MAGI2: variants seen among roughly 807,000 people sequenced by gnomAD.
MAGI2 encodes the protein membrane associated guanylate kinase, WW and PDZ domain containing 2, also known as membrane-associated guanylate kinase, WW and PDZ domain-containing protein 2.
A neutral mutation model predicts 133.3 loss-of-function variants in MAGI2; 35 were observed. The ratio of observed to expected loss-of-function variants is 0.26; its 90% CI spans 0.20 to 0.35. The LOEUF (loss-of-function observed/expected upper bound fraction) is 0.35. Among genes scored for constraint, MAGI2 ranks in the 10% least tolerant of loss-of-function variants. The pLI, the probability that MAGI2 is intolerant of heterozygous loss-of-function variation, is 1.00. For missense variants in MAGI2, 1,636 were observed against 1,863.4 expected, an observed-to-expected ratio of 0.88 and a Z score of 2.25; for synonymous variants, 729 against 710.6, an observed-to-expected ratio of 1.03 and a Z score of -0.41.
chr7:78,670,885 A>C (rs1409377015), intron 2 of MAGI2, among the ~76,000 whole-genome samples: 1 of 152,186 alleles, frequency 6.6e-6, no homozygotes, highest in East Asian at 1.9e-4. Flanking sequence ...AAAATTTTAT[A>C]AAAATGCTTA....
Position 78,068,854 on chromosome 7 carries a change from G to A in MAGI2, c.3706+10093C>T, listed in dbSNP as rs756242483. Among the ~76,000 whole-genome samples, 3 of 152,268 alleles carry A rather than the reference G, an allele frequency of 2.0e-5. No individual in the cohort carries two copies. The South Asian group carries it at 6.2e-4, about 32-fold the overall frequency. On this transcript the variant is annotated intron_variant, in intron 21 of 21. Coordinates refer to ENST00000354212, the MANE Select transcript of MAGI2 (RefSeq NM_012301.4). ...ACTGTACTTTGAGCAGCCGGGCTTTGTTGTTAAACTCCTTAAGATCAACAT... is the reference window on the plus strand; with the variant it reads ...ACTGTACTTTGAGCAGCCGGGCTTTATTGTTAAACTCCTTAAGATCAACAT...
At chr7:78,483,885 G>T (rs1250089149) in intron 6 of MAGI2, among the ~76,000 whole-genome samples, 1 of 151,900 alleles carries the variant, frequency 6.6e-6, no homozygotes, top group Non-Finnish European at 1.5e-5. Flanking sequence ...TACTTGAATA[G>T]TTAATACTGT....
chr7:78,708,211 G>T (rs763043639), intron 2 of MAGI2, among the ~76,000 whole-genome samples: 6 of 152,020 alleles, frequency 3.9e-5, no homozygotes, highest in African/African-American at 1.4e-4. Context: ...TTCTTCATTC[G>T]AATGCATTCA....
intron 2 of MAGI2, among the ~76,000 whole-genome samples, chr7:78,632,697 G>A (rs779924838): frequency 9.2e-5 from 14 of 152,180 alleles, no homozygotes; most frequent in Non-Finnish European, 1.6e-4. Flanking sequence ...AATGACTGGT[G>A]TATGTGCATA....
chr7:78,668,403 TC>T (rs1813903244), intron 2 of MAGI2, among the ~76,000 whole-genome samples: 1 of 151,044 alleles, frequency 6.6e-6, no homozygotes, highest in Non-Finnish European at 1.5e-5. Context: ...TTTAATTAGA[TC>T]CCATTTGTCA....
intron 2 of MAGI2, among the ~76,000 whole-genome samples, chr7:78,680,054 C>G (rs374371429): frequency 6.6e-6 from 1 of 151,978 alleles, no homozygotes; most frequent in African/African-American, 2.4e-5. Flanking sequence ...ACATTTTATC[C>G]AAATAGAGAC....
chr7:78,534,652 T>C (rs1469813900), intron 3 of MAGI2, among the ~76,000 whole-genome samples: 1 of 152,198 alleles, frequency 6.6e-6, no homozygotes, highest in African/African-American at 2.4e-5. Context: ...AAATGAAGTT[T>C]TGTTTTTTAC....
rs11977569 is a variant in MAGI2, at chr7:79,300,346, T to C, written c.301+152674A>G. 6.9e-3 allele frequency among the ~76,000 whole-genome samples: 1,050 copies of C among 152,284 alleles called. 7 individuals are homozygous for C. The highest frequency in any genetic ancestry group is 0.024 in the African/African-American group (982 of 41,568). Reference sequence around the variant, plus strand: ...TCTCAGATTGAAATGAGAAATCTTATTGGAAACTGGAGCACAGGTCACACA... The same window carrying C: ...TCTCAGATTGAAATGAGAAATCTTACTGGAAACTGGAGCACAGGTCACACA... On this transcript the variant is annotated intron_variant, in intron 1 of 21. Coordinates refer to ENST00000354212, the MANE Select transcript of MAGI2 (RefSeq NM_012301.4).
At chr7:78,938,904 A>T (rs569954857) in intron 2 of MAGI2, among the ~76,000 whole-genome samples, 1 of 152,274 alleles carries the variant, frequency 6.6e-6, no homozygotes, top group Admixed American at 6.5e-5. Context: ...AGTCTTTAAA[A>T]TTTTTTGGAG....
At chr7:78,489,340 T>C (rs143762373) in intron 6 of MAGI2, among the ~76,000 whole-genome samples, 2 of 152,204 alleles carry the variant, frequency 1.3e-5, no homozygotes, top group Non-Finnish European at 2.9e-5. Context: ...TTTATATTTC[T>C]GAGTCCTTAA....
chr7:79,359,860 G>GA lies in MAGI2; in HGVS notation c.301+93159dup, dbSNP rs201149595. ...CAACCCTTAACCCTTTTCCCATTTA[G>GA]AAAAAAAAGAAAAGTGCAGCTCACT... On this transcript the variant is annotated intron_variant, in intron 1 of 21. Transcript: ENST00000354212. Among the ~76,000 whole-genome samples, 825 of 151,786 alleles carry GA rather than the reference G, an allele frequency of 5.4e-3. 3 individuals carry two copies. Among genetic ancestry groups the GA allele is most frequent in the Middle Eastern group, 0.017 (5 of 292 alleles).
intron 9 of MAGI2, among the ~76,000 whole-genome samples, chr7:78,334,513 G>C (rs969770899): frequency 6.6e-6 from 1 of 152,158 alleles, no homozygotes; most frequent in Non-Finnish European, 1.5e-5. Context: ...TAAAGATTAG[G>C]GTTTTTTCTG....
chr7:79,367,678 G>T (rs1348326601), intron 1 of MAGI2, among the ~76,000 whole-genome samples: 2 of 151,554 alleles, frequency 1.3e-5, no homozygotes, highest in Non-Finnish European at 2.9e-5. Flanking sequence ...ATAAATATAT[G>T]CTCAATACAA....
intron 1 of MAGI2, among the ~76,000 whole-genome samples, chr7:79,064,771 C>G (rs1284247152): frequency 6.6e-6 from 1 of 152,070 alleles, no homozygotes; most frequent in Non-Finnish European, 1.5e-5. Flanking sequence ...AACTGCACTT[C>G]TGACTTTGTT....
At chr7:78,763,191 A>G (rs570748761) in intron 2 of MAGI2, among the ~76,000 whole-genome samples, 2 of 152,234 alleles carry the variant, frequency 1.3e-5, no homozygotes, top group Non-Finnish European at 2.9e-5. Flanking sequence ...AAATGGAATT[A>G]GCAAATACTT....
At chr7:78,241,062 T>A (rs1327907722) in intron 10 of MAGI2, among the ~76,000 whole-genome samples, 3 of 152,044 alleles carry the variant, frequency 2.0e-5, no homozygotes, top group African/African-American at 7.2e-5. Flanking sequence ...GCAAACTTCT[T>A]GAGGCAGGGA....
chr7:79,004,316 A>G (rs906544336), intron 2 of MAGI2, among the ~76,000 whole-genome samples: 1 of 152,210 alleles, frequency 6.6e-6, no homozygotes, highest in African/African-American at 2.4e-5. Context: ...CAACATGGAC[A>G]GAAGTGGAGA....
chr7:78,481,732 C>T (rs1468721294), intron 6 of MAGI2, among the ~76,000 whole-genome samples: 2 of 148,114 alleles, frequency 1.4e-5, no homozygotes, highest in Non-Finnish European at 3.0e-5. Context: ...AGAACCTTAA[C>T]CTAACTCTTA....
In MAGI2 at chr7:78,271,764, T is replaced by C. The variant is rs893776135; in HGVS notation, c.1409-15183A>G. 6.6e-5 allele frequency among the ~76,000 whole-genome samples: 10 copies of C among 152,326 alleles called. No individual in the cohort carries two copies. The East Asian group carries it at 7.7e-4, about 12-fold the overall frequency. On this transcript the variant is annotated intron_variant, in intron 9 of 21. Transcript: ENST00000354212. Reference sequence around the variant, plus strand: ...TGTAGAGGTGTTTATACTATTCTGATGGTAGTTTGTATTTCTGTGGGATCG... The same window carrying C: ...TGTAGAGGTGTTTATACTATTCTGACGGTAGTTTGTATTTCTGTGGGATCG...
Sources: allele counts gnomAD v4.1 joint callset (sites outside exome capture counted in the v4.1 genomes callset), GRCh38; gene constraint gnomAD v4.1.1; transcripts MANE v1.5; gene names NCBI Gene and HGNC (gene_info 2026-07-23, HGNC 2026-07-21).